SV2B: variants seen among roughly 807,000 people sequenced by gnomAD.
SV2B encodes the protein solute carrier family 22 member B2.
A neutral mutation model predicts 73.9 loss-of-function variants in SV2B; 41 were observed. The observed-to-expected ratio is 0.56, with a 90% confidence interval of 0.43 to 0.72. The LOEUF (loss-of-function observed/expected upper bound fraction) is 0.72, where lower values mean the gene tolerates loss of function less well. Among genes scored for constraint, SV2B ranks in the 30% least tolerant of loss-of-function variants. The probability of loss-of-function intolerance (pLI) is 0.00; values close to 1 mark genes in which losing one functional copy is unlikely to be tolerated. For missense variants in SV2B, 764 were observed against 857.8 expected (o/e 0.89, Z 1.37); for synonymous variants, 314 against 314.2 (o/e 1.00, Z 0.01).
chr15:91,106,258 T>C lies in SV2B; in HGVS notation c.-392+5895T>C, dbSNP rs2041879977. Among the ~76,000 whole-genome samples, 1 of 152,180 alleles carries C rather than the reference T, an allele frequency of 6.6e-6. No individual in the cohort carries two copies. Among genetic ancestry groups the C allele is most frequent in the Admixed American group, 6.5e-5 (1 of 15,274 alleles). On this transcript the variant is annotated intron_variant, in intron 1 of 12. Transcript: ENST00000394232. This position sits in a 1 kb window ranked among gnomAD's most constrained non-coding sequence, Gnocchi z 4.4. Reference sequence around the variant, plus strand: ...TATCCAATGGGAGATGTTAAGTAGTTCATTGCATATGAGAGTCTAGAGTTC... The same window carrying C: ...TATCCAATGGGAGATGTTAAGTAGTCCATTGCATATGAGAGTCTAGAGTTC...
chr15:91,276,227 A>G (rs537628833), intron 9 of SV2B, among the ~76,000 whole-genome samples: 6 of 151,602 alleles, frequency 4.0e-5, no homozygotes, highest in African/African-American at 1.2e-4. Context: ...TTTTCCCTTT[A>G]TATTTGATAT....
Position 91,128,486 on chromosome 15 carries a change from G to T in SV2B, c.-392+28123G>T, listed in dbSNP as rs1035110105. The stretch of plus-strand genomic sequence containing the variant: ...CGCTCAGAAAACAATATCCAAAAAT[G>T]AAGGCCTCAGAAGCGAAAGTGTTTT... On this transcript the variant is annotated intron_variant, in intron 1 of 12. Coordinates refer to ENST00000394232, the MANE Select transcript of SV2B (RefSeq NM_001323032.3). This position sits in a 1 kb window ranked among gnomAD's most constrained non-coding sequence, Gnocchi z 4.2. Among the ~76,000 whole-genome samples, 1 of 152,154 alleles carries T rather than the reference G, an allele frequency of 6.6e-6. No homozygotes were observed. Among genetic ancestry groups the T allele is most frequent in the Non-Finnish European group, 1.5e-5 (1 of 68,030 alleles).
chr15:91,284,300 T>C lies in SV2B; in HGVS notation c.1708+79T>C, dbSNP rs1596788684. On this transcript the variant is annotated intron_variant, in intron 11 of 12. Transcript: ENST00000394232. The surrounding 1 kb of genome is among the most constrained non-coding windows in gnomAD (Gnocchi z 4.5). Reference sequence around the variant, plus strand: ...TCAAGTGTATTAAACAGGGAAATTTTCCCTTTTATTAAATAATTCTTGCAC... The same window carrying C: ...TCAAGTGTATTAAACAGGGAAATTTCCCCTTTTATTAAATAATTCTTGCAC... 5 of 1,486,802 alleles carry C rather than the reference T, an allele frequency of 3.4e-6. No individual in the cohort carries two copies. The highest frequency in any genetic ancestry group is 2.3e-5 in the East Asian group (1 of 43,826). 92.1% of individuals were successfully genotyped at this position (1,486,802 alleles called of 1,614,324 possible). A position where few individuals can be genotyped will look rare whatever the true frequency, so the allele number is the denominator to read the frequency against.
intron 1 of SV2B, among the ~76,000 whole-genome samples, chr15:91,125,038 C>A (rs958714233): frequency 6.6e-6 from 1 of 152,176 alleles, no homozygotes; most frequent in Non-Finnish European, 1.5e-5. Flanking sequence ...GGTCCCTTTC[C>A]TTGGCTTGCA....
intron 2 of SV2B, among the ~76,000 whole-genome samples, chr15:91,235,403 T>G (rs759108102): frequency 6.6e-6 from 1 of 152,134 alleles, no homozygotes; most frequent in Non-Finnish European, 1.5e-5. Flanking sequence ...ACAAAGCTTA[T>G]GAGTAAATTC....
In SV2B at chr15:91,128,044, GA is replaced by G. The variant is rs1053885567; in HGVS notation, c.-392+27682del. 7.6e-4 allele frequency among the ~76,000 whole-genome samples: 115 copies of G among 152,296 alleles called. No individual in the cohort carries two copies. Among genetic ancestry groups the G allele is most frequent in the African/African-American group, 2.5e-3 (104 of 41,576 alleles). ...TTGAACCTATTGCACTGGAGAAAAAGAGAAAAATATACCTGTGAAAGCTCTT... is the reference window on the plus strand; with the variant it reads ...TTGAACCTATTGCACTGGAGAAAAAGGAAAAATATACCTGTGAAAGCTCTT... On this transcript the variant is annotated intron_variant, in intron 1 of 12. Coordinates refer to ENST00000394232, the MANE Select transcript of SV2B (RefSeq NM_001323032.3). This position sits in a 1 kb window ranked among gnomAD's most constrained non-coding sequence, Gnocchi z 4.2.
intron 1 of SV2B, among the ~76,000 whole-genome samples, chr15:91,146,688 T>G (rs1029669931): frequency 6.6e-6 from 1 of 152,246 alleles, no homozygotes; most frequent in African/African-American, 2.4e-5. Context: ...TTTTATTTTT[T>G]TGACACCACT....
At chr15:91,210,548 C>T (rs1410475856) in intron 1 of SV2B, among the ~76,000 whole-genome samples, 2 of 152,098 alleles carry the variant, frequency 1.3e-5, no homozygotes, top group Non-Finnish European at 2.9e-5. Context: ...CTCAGACTTG[C>T]ATCTGGGGTG....
At chr15:91,276,398 CA>C (rs1176148044) in intron 9 of SV2B, among the ~76,000 whole-genome samples, 1 of 151,928 alleles carries the variant, frequency 6.6e-6, no homozygotes, top group Non-Finnish European at 1.5e-5. Flanking sequence ...TTTGTCTTTC[CA>C]AATACTTCTT....
At chr15:91,111,023 A>G (rs1332885372) in intron 1 of SV2B, among the ~76,000 whole-genome samples, 2 of 152,086 alleles carry the variant, frequency 1.3e-5, no homozygotes, top group African/African-American at 4.8e-5. Flanking sequence ...AGCTTCTCCT[A>G]TTTCCCATGA....
intron 1 of SV2B, among the ~76,000 whole-genome samples, chr15:91,138,824 C>G (rs944300452): frequency 3.3e-5 from 5 of 152,108 alleles, no homozygotes; most frequent in African/African-American, 1.2e-4. Context: ...CTCACGGTTA[C>G]TGAGAGATGA....
chr15:91,204,051 C>G (rs2045553122), intron 1 of SV2B, among the ~76,000 whole-genome samples: 1 of 152,038 alleles, frequency 6.6e-6, no homozygotes, highest in African/African-American at 2.4e-5. Flanking sequence ...GTTTCCAGGC[C>G]CCAAAAGAGA....
At chr15:91,243,077 G>T (rs2047083619) in intron 2 of SV2B, among the ~76,000 whole-genome samples, 2 of 152,178 alleles carry the variant, frequency 1.3e-5, no homozygotes, top group African/African-American at 4.8e-5. Context: ...GTTGGCATCT[G>T]CTTTTGCCCT....
intron 1 of SV2B, among the ~76,000 whole-genome samples, chr15:91,119,555 T>G (rs1252184477): frequency 6.6e-6 from 1 of 152,260 alleles, no homozygotes; most frequent in Non-Finnish European, 1.5e-5. Flanking sequence ...AGGTGGCTGG[T>G]TTCCTTATGC....
rs989926066 is a variant in SV2B at position 91,288,555 on chromosome 15, T to C, written c.1709-966T>C. Among the ~76,000 whole-genome samples, 1 of 152,184 alleles carries C rather than the reference T, an allele frequency of 6.6e-6. No homozygotes were observed. The highest frequency in any genetic ancestry group is 2.4e-5 in the African/African-American group (1 of 41,442). On this transcript the variant is annotated intron_variant, in intron 11 of 12. Transcript: ENST00000394232. This position sits in a 1 kb window ranked among gnomAD's most constrained non-coding sequence, Gnocchi z 5.8. ...ACCCCATGGACTGTATCTAGCATCC[T>C]GCCTTCCAGGTTCATCCATGTTGTC...
At chr15:91,126,520 G>A (rs1195857013) in intron 1 of SV2B, among the ~76,000 whole-genome samples, 1 of 152,112 alleles carries the variant, frequency 6.6e-6, no homozygotes, top group Non-Finnish European at 1.5e-5. Context: ...ACCCTGGACT[G>A]GGATATTATA....
At chr15:91,174,766 C>T (rs730616) in intron 1 of SV2B, among the ~76,000 whole-genome samples, 32,155 of 152,146 alleles carry the variant, frequency 0.21, 3,913 homozygotes, top group Non-Finnish European at 0.28. Flanking sequence ...CATTAAAAGA[C>T]GGTTCAGGCC....
chr15:91,172,375 G>A (rs1406407969), intron 1 of SV2B, among the ~76,000 whole-genome samples: 1 of 152,202 alleles, frequency 6.6e-6, no homozygotes, highest in East Asian at 1.9e-4. Flanking sequence ...TATGTGTCAG[G>A]CTCTGTGCTA....
At chr15:91,195,575 T>C (rs931097617) in intron 1 of SV2B, among the ~76,000 whole-genome samples, 1 of 152,220 alleles carries the variant, frequency 6.6e-6, no homozygotes, top group Non-Finnish European at 1.5e-5. Context: ...CATTGTGAAA[T>C]TGCTTTGAAA....
Sources: gnomAD v4.1 joint callset for allele counts (sites outside exome capture counted in the v4.1 genomes callset) on GRCh38, gnomAD v4.1.1 for gene constraint, Gnocchi (gnomAD v3.1) non-coding constraint, MANE v1.5 for transcripts, NCBI Gene and HGNC (gene_info 2026-07-23, HGNC 2026-07-21) for gene names.